C9orf153: variants seen among roughly 807,000 people sequenced by gnomAD.
The protein encoded by C9orf153 is chromosome 9 open reading frame 153.
C9orf153 carries 10 observed loss-of-function variants against 9.0 expected under a neutral mutation model. The observed-to-expected ratio is 1.11, with a 90% CI of 0.69 to 1.89. The LOEUF (loss-of-function observed/expected upper bound fraction) is 1.89. Among genes scored for constraint, C9orf153 ranks in the 40% most tolerant of loss-of-function variants. The pLI, the probability that C9orf153 is intolerant of heterozygous loss-of-function variation, is 0.00. For missense variants in C9orf153, 108 were observed against 111.0 expected (o/e 0.97, Z 0.12); for synonymous variants, 35 against 37.3 (o/e 0.94, Z 0.23).
intron 2 of C9orf153, 102 bp downstream of exon 2, chr9:86,229,436 G>A: frequency 5.3e-6 from 4 of 761,234 alleles, no homozygotes; most frequent in Middle Eastern, 3.1e-4. Context: ...AGTTTCCCAT[G>A]GCTCCCAAGT....
At chr9:86,224,879 A>G (rs1195350343) in intron 3 of C9orf153, among the ~76,000 whole-genome samples, 4 of 144,990 alleles carry the variant, frequency 2.8e-5, no homozygotes, top group Non-Finnish European at 6.0e-5. Context: ...AGGCAGAGGT[A>G]GCAGTGAGCC....
intron 3 of C9orf153, among the ~76,000 whole-genome samples, chr9:86,226,485 C>T (rs1824335698): frequency 1.3e-5 from 2 of 152,020 alleles, no homozygotes; most frequent in South Asian, 4.1e-4. Context: ...CCACACCTGG[C>T]TAATTTTTAA....
chr9:86,255,075 AAG>A (rs398068748), intron 1 of C9orf153, among the ~76,000 whole-genome samples: 2 of 151,638 alleles, frequency 1.3e-5, no homozygotes, highest in Non-Finnish European at 2.9e-5. Flanking sequence ...AAAAAAAAAA[AAG>A]AGAGAGAAAA....
rs1824795550 is a variant in C9orf153, at chr9:86,243,525, G to A, written c.-26-13896C>T. Among the ~76,000 whole-genome samples the A allele has an allele frequency of 2.0e-5, 3 of 150,018 alleles. No homozygotes were observed. The South Asian group carries it at 6.3e-4, about 32-fold the overall frequency. On this transcript the variant is annotated intron_variant, in intron 1 of 3. Transcript: ENST00000339137. ...TTGATGCTCAGGCTGGAGTGCAATG[G>A]CGCGATCTCGGCTCACCGCAACCTC...
intron 1 of C9orf153, among the ~76,000 whole-genome samples, chr9:86,251,590 T>C (rs1824994459): frequency 6.6e-6 from 1 of 152,112 alleles, no homozygotes; most frequent in South Asian, 2.1e-4. Flanking sequence ...GTTTTTGTTA[T>C]AGGGAATATA....
chr9:86,259,040 TTTTC>T (rs1474433755), intron 1 of C9orf153, among the ~76,000 whole-genome samples: 1 of 151,822 alleles, frequency 6.6e-6, no homozygotes, highest in African/African-American at 2.4e-5. Flanking sequence ...TGTTTTTTTT[TTTTC>T]TTTGAGATAG....
intron 1 of C9orf153, among the ~76,000 whole-genome samples, chr9:86,235,617 T>C (rs1169604209): frequency 6.6e-6 from 1 of 151,098 alleles, no homozygotes; most frequent in Admixed American, 6.6e-5. Context: ...TAGCCAGGCG[T>C]GGAGGCATGT....
At chr9:86,251,356 TAATAA>T (rs948857623) in intron 1 of C9orf153, among the ~76,000 whole-genome samples, 9 of 152,180 alleles carry the variant, frequency 5.9e-5, no homozygotes, top group Admixed American at 4.6e-4. Context: ...TTTCTAAAAA[TAATAA>T]AATGTGTATC....
At chr9:86,227,298 C>A in intron 3 of C9orf153, 1 of 1,428,484 alleles carries the variant, frequency 7.0e-7, no homozygotes, top group Admixed American at 2.6e-5. Flanking sequence ...AGGCACATGC[C>A]ACCAAGCTCA....
intron 3 of C9orf153, among the ~76,000 whole-genome samples, chr9:86,224,876 G>A (rs1468625557): frequency 3.3e-5 from 5 of 149,444 alleles, no homozygotes; most frequent in African/African-American, 1.2e-4. Context: ...GGGAGGCAGA[G>A]GTAGCAGTGA....
Position 86,239,035 on chromosome 9 carries a change from G to T in C9orf153, c.-26-9406C>A, listed in dbSNP as rs367543908. Among the ~76,000 whole-genome samples, 4 of 151,650 alleles carry T rather than the reference G, an allele frequency of 2.6e-5. No homozygotes were observed. The East Asian group carries it at 5.8e-4, about 22-fold the overall frequency. ...CCACCACTTTGGGAGGCCGAGGAGG[G>T]CTGATCTCGAGGTCAGGAGATTGAG... On this transcript the variant is annotated intron_variant, in intron 1 of 3. Coordinates refer to ENST00000339137, the MANE Select transcript of C9orf153 (RefSeq NM_001276366.4).
intron 1 of C9orf153, among the ~76,000 whole-genome samples, chr9:86,240,721 T>TG (rs1376906545): frequency 1.4e-5 from 2 of 145,852 alleles, no homozygotes; most frequent in Non-Finnish European, 3.0e-5. Flanking sequence ...TTTTTTTTTT[T>TG]TTTTTGAGAT....
At chr9:86,230,524 C>A (rs1824447536) in intron 1 of C9orf153, among the ~76,000 whole-genome samples, 1 of 152,328 alleles carries the variant, frequency 6.6e-6, no homozygotes, top group African/African-American at 2.4e-5. Flanking sequence ...TGGTCTTGAA[C>A]TCCTGACCTC....
intron 2 of C9orf153, 63 bp from the exon 3 acceptor site, chr9:86,228,093 C>T: frequency 8.3e-7 from 1 of 1,199,098 alleles, no homozygotes; most frequent in African/African-American, 1.5e-5. Flanking sequence ...TCTGGCAGAC[C>T]TACAAACCCT....
chr9:86,227,866 T>A lies in C9orf153; in HGVS notation c.231A>T (p.Gln77His), dbSNP rs983041858. ...TRGADVRGDLQPVIRKTIHES... is the reference protein window; with the variant it reads ...TRGADVRGDLHPVIRKTIHES... ...TAACCACTGTGCACCTGATAACAGGTTGGAGATCTCCTCTCACATCAGCGC... is the reference window on the plus strand; with the variant it reads ...TAACCACTGTGCACCTGATAACAGGATGGAGATCTCCTCTCACATCAGCGC... Residue 77 changes from glutamine to histidine, a missense_variant, in exon 3 of 4, where the codon CAA (glutamine) becomes CAT (histidine). By Grantham distance (24) the Gln-to-His change is conservative. Coordinates refer to ENST00000339137, the MANE Select transcript of C9orf153 (RefSeq NM_001276366.4). 2.5e-6 allele frequency: 4 copies of A among 1,611,756 alleles called. No individual in the cohort carries two copies. The highest frequency in any genetic ancestry group is 3.4e-6 in the Non-Finnish European group (4 of 1,179,192).
intron 2 of C9orf153, 35 bp downstream of exon 2, chr9:86,229,503 T>C: frequency 1.4e-6 from 2 of 1,395,550 alleles, no homozygotes; most frequent in Non-Finnish European, 2.0e-6. Context: ...TAAAGCTCCC[T>C]GTGTACACCT....
intron 3 of C9orf153, 76 bp from the exon 4 acceptor site, chr9:86,221,809 A>T (rs1824209225): frequency 2.0e-6 from 2 of 1,002,662 alleles, no homozygotes; most frequent in African/African-American, 1.6e-5. Context: ...TGCTTCATGG[A>T]CAGGGTAAAC....
intron 1 of C9orf153, among the ~76,000 whole-genome samples, chr9:86,246,576 A>G (rs573056062): frequency 6.6e-6 from 1 of 152,188 alleles, no homozygotes; most frequent in Non-Finnish European, 1.5e-5. Flanking sequence ...ATTTTTTTTA[A>G]ATCTCATTTG....
chr9:86,231,600 T>TATATATATATATACATGTATGTATATGC (rs1824471415), intron 1 of C9orf153, among the ~76,000 whole-genome samples: 5 of 148,356 alleles, frequency 3.4e-5, no homozygotes, highest in African/African-American at 1.2e-4. Context: ...CAAACATGGA[T>TATATATATATATACATGTATGTATATGC]ATATATATAT....
Sources: gnomAD v4.1 joint callset for allele counts (sites outside exome capture counted in the v4.1 genomes callset) on GRCh38, gnomAD v4.1.1 for gene constraint, MANE v1.5 for transcripts, NCBI Gene and HGNC (gene_info 2026-07-23, HGNC 2026-07-21) for gene names.